Variants in ANKRD2 observed in about 807,000 individuals in gnomAD.
The protein encoded by ANKRD2 is ankyrin repeat domain-containing protein 2.
A neutral mutation model predicts 37.3 loss-of-function variants in ANKRD2; 35 were observed. That is an observed-to-expected ratio of 0.94 (90% CI 0.72 to 1.24). The LOEUF is 1.24. Among genes scored for constraint, ANKRD2 ranks in the 50% most tolerant of loss-of-function variants. The pLI, the probability that ANKRD2 is intolerant of heterozygous loss-of-function variation, is 0.00. For synonymous variants in ANKRD2, 159 were observed against 186.5 expected (o/e 0.85, Z 1.20); for missense variants, 410 against 445.6 (o/e 0.92, Z 0.72).
chr10:97,580,058 T>C (rs2040877644), intron 4 of ANKRD2, among the ~76,000 whole-genome samples: 1 of 152,230 alleles, frequency 6.6e-6, no homozygotes, highest in Non-Finnish European at 1.5e-5. Context: ...ATTGTAGACT[T>C]GGACCACATG....
Position 97,583,700 on chromosome 10 carries a change from C to T in ANKRD2, c.977C>T (p.Thr326Ile), listed in dbSNP as rs1284832522. ...LEGPNDSGRETPQPVPAQ is the reference protein window; with the variant it reads ...LEGPNDSGREIPQPVPAQ Reference sequence around the variant, plus strand: ...GGGCCTAATGATAGTGGGCGAGAGACCCCTCAGCCTGTGCCAGCCCAGTGA... The same window carrying T: ...GGGCCTAATGATAGTGGGCGAGAGATCCCTCAGCCTGTGCCAGCCCAGTGA... Residue 326 changes from threonine (T) to isoleucine (I), a missense_variant, in exon 9 of 9, where the codon ACC (threonine) becomes ATC (isoleucine). Thr to Ile is a moderately conservative substitution (Grantham distance 89). Transcript: ENST00000370655. The T allele has an allele frequency of 2.5e-6, 4 of 1,579,052 alleles. No homozygotes were observed. In the South Asian group the frequency reaches 3.5e-5, roughly 14 times the overall value.
rs2040905990 is a variant in ANKRD2, at chr10:97,582,175, T to C, written c.655-140T>C. On this transcript the variant is annotated intron_variant, in intron 6 of 8. Transcript: ENST00000370655. ...GATAGGATGGTAAGAAATTGTACCA[T>C]TCTCTGCCCCTCCAAGGCTCAGGCC... is the stretch of plus-strand genomic sequence containing the variant. 4 of 661,056 alleles carry C rather than the reference T, an allele frequency of 6.1e-6. No homozygotes were observed. In the South Asian group the frequency reaches 7.2e-5, roughly 12 times the overall value. 40.9% of individuals were successfully genotyped at this position (661,056 alleles called of 1,614,324 possible). A position where few individuals can be genotyped will look rare whatever the true frequency, so the allele number is the denominator to read the frequency against.
chr10:97,573,882 A>G (rs2040791034), intron 1 of ANKRD2, among the ~76,000 whole-genome samples: 1 of 152,210 alleles, frequency 6.6e-6, no homozygotes, highest in Non-Finnish European at 1.5e-5. Flanking sequence ...TTCATAGTCA[A>G]CTAAGAAACA....
intron 1 of ANKRD2, among the ~76,000 whole-genome samples, chr10:97,576,195 G>A (rs1390196671): frequency 1.3e-5 from 2 of 152,192 alleles, no homozygotes; most frequent in African/African-American, 4.8e-5. Context: ...TGGGAAAGGG[G>A]CCTGAGTGCT....
At chr10:97,577,207 T>C (rs1379695480) in intron 1 of ANKRD2, among the ~76,000 whole-genome samples, 1 of 151,964 alleles carries the variant, frequency 6.6e-6, no homozygotes, top group Non-Finnish European at 1.5e-5. Context: ...TCTCACTATA[T>C]TGCCCAGGCT....
At chr10:97,579,641 G>T (rs566330008) in intron 4 of ANKRD2, among the ~76,000 whole-genome samples, 2 of 151,536 alleles carry the variant, frequency 1.3e-5, no homozygotes, top group African/African-American at 4.9e-5. Flanking sequence ...AGGCTGGAGT[G>T]CAGCGGTGCG....
chr10:97,576,629 A>T (rs75810478), intron 1 of ANKRD2, among the ~76,000 whole-genome samples: 356 of 152,138 alleles, frequency 2.3e-3, no homozygotes, highest in Non-Finnish European at 4.3e-3. Context: ...TCTCATCATA[A>T]TCATTTCATC....
chr10:97,578,726 G>C, intron 4 of ANKRD2, 121 bp downstream of exon 4: 3 of 777,644 alleles, frequency 3.9e-6, no homozygotes, highest in Non-Finnish European at 6.2e-6. Context: ...CTTTGGATGG[G>C]TGGGTGGCTG....
At chr10:97,581,596 C>A (rs945008805) in intron 6 of ANKRD2, among the ~76,000 whole-genome samples, 182 bp downstream of exon 6, 3 of 152,170 alleles carry the variant, frequency 2.0e-5, no homozygotes, top group Admixed American at 6.5e-5. Context: ...GGGTCCCTGC[C>A]ATCCACACAG....
intron 1 of ANKRD2, among the ~76,000 whole-genome samples, chr10:97,575,362 T>G (rs1323923951): frequency 6.6e-6 from 1 of 152,200 alleles, no homozygotes. Flanking sequence ...AGGTCATCAC[T>G]GAGAACTTAA....
Position 97,582,303 on chromosome 10 carries a change from C to A in ANKRD2, c.655-12C>A. ...CCCCGTCAACTAGCAGTTCCTGATT[C>A]CTCCCACCCAGCTGCTGAGCACCCC... On this transcript the variant is annotated splice_polypyrimidine_tract_variant and intron_variant, in intron 6 of 8. Transcript: ENST00000370655. The A allele has an allele frequency of 2.6e-6, 4 of 1,551,950 alleles. No homozygotes were observed. Among genetic ancestry groups the A allele is most frequent in the Non-Finnish European group, 2.6e-6 (3 of 1,146,978 alleles).
intron 2 of ANKRD2, 29 bp downstream of exon 2, chr10:97,577,930 C>A: frequency 6.5e-7 from 1 of 1,533,466 alleles, no homozygotes; most frequent in Non-Finnish European, 8.8e-7. Flanking sequence ...AATGTCTGCA[C>A]CCAGGGGACC....
chr10:97,572,916 ATCCAGT>A lies in ANKRD2; in HGVS notation c.87+44_87+49del, dbSNP rs1413397476. 7.8e-6 allele frequency: 12 copies of A among 1,534,558 alleles called. No individual in the cohort carries two copies. In the African/African-American group the frequency reaches 1.7e-4, roughly 21 times the overall value. Reference sequence around the variant, plus strand: ...GAGGTGCCCAAGGGGGTCTGAGGAGATCCAGTTCTGCTGTCAAGGGGAGGGAGATCC... The same window carrying A: ...GAGGTGCCCAAGGGGGTCTGAGGAGATCTGCTGTCAAGGGGAGGGAGATCC... On this transcript the variant is annotated intron_variant, in intron 1 of 8. Coordinates refer to ENST00000370655, the MANE Select transcript of ANKRD2 (RefSeq NM_001346793.2).
chr10:97,576,442 G>A (rs1403573367), intron 1 of ANKRD2, among the ~76,000 whole-genome samples: 1 of 152,134 alleles, frequency 6.6e-6, no homozygotes, highest in African/African-American at 2.4e-5. Context: ...CTTAGAGCCC[G>A]TTTCAGGCTG....
At chr10:97,576,647 ATTATT>A (rs2040829242) in intron 1 of ANKRD2, among the ~76,000 whole-genome samples, 1 of 151,424 alleles carries the variant, frequency 6.6e-6, no homozygotes, top group South Asian at 2.1e-4. Context: ...ATCAAAGTGA[ATTATT>A]TATTTTTAAA....
In ANKRD2 at chr10:97,580,848, GGGACAGTTCCGTC is replaced by G; in HGVS notation, c.457_469del (p.Phe153HisfsTer18). On this transcript the variant is annotated splice_acceptor_variant and splice_polypyrimidine_tract_variant and coding_sequence_variant and intron_variant, in exon 5 of 9. Transcript: ENST00000370655. LOFTEE classifies it high-confidence loss of function. ...AGGCCAGGCCCTGACAGCCTCTCTG[GGGACAGTTCCGTC>G]GGACAGCACTGCACCGAGCTTCCCT... 6.2e-7 allele frequency: 1 copy of G among 1,607,950 alleles called. No homozygotes were observed. The highest frequency in any genetic ancestry group is 1.1e-5 in the South Asian group (1 of 89,826).
chr10:97,573,410 G>A (rs969370594), intron 1 of ANKRD2, among the ~76,000 whole-genome samples: 1 of 152,062 alleles, frequency 6.6e-6, no homozygotes, highest in African/African-American at 2.4e-5. Flanking sequence ...CGGTGGCAGG[G>A]GGTGCTGGCT....
At chr10:97,572,596 TG>T (rs1430725951), upstream of ANKRD2, 16 of 1,329,768 alleles carry the variant, frequency 1.2e-5, no homozygotes, top group South Asian at 3.0e-5. Flanking sequence ...GGCCAGGAGT[TG>T]GGGGGGCAAC....
chr10:97,577,786 C>T lies in ANKRD2; in HGVS notation c.88-14C>T, dbSNP rs1445734109. 2 of 1,548,234 alleles carry T rather than the reference C, an allele frequency of 1.3e-6. No homozygotes were observed. The highest frequency in any genetic ancestry group is 2.7e-5 in the African/African-American group (2 of 73,462). ...CCTCGGGTCCTGGAGAAGGTGCCCT[C>T]TTTGGATCACCAGAAACTCCGAGGA... On this transcript the variant is annotated splice_polypyrimidine_tract_variant and intron_variant, in intron 1 of 8. Transcript: ENST00000370655.
Sources: gnomAD v4.1 joint callset for allele counts (sites outside exome capture counted in the v4.1 genomes callset) on GRCh38, gnomAD v4.1.1 for gene constraint, MANE v1.5 for transcripts, NCBI Gene and HGNC (gene_info 2026-07-23, HGNC 2026-07-21) for gene names.